PCED1B: variants seen among roughly 807,000 people sequenced by gnomAD.
PCED1B encodes the protein PC-esterase domain-containing protein 1B.
For synonymous variants in PCED1B, 251 were observed against 246.1 expected, an observed-to-expected ratio of 1.02 and a Z score of -0.19; for missense variants, 573 against 573.9, an observed-to-expected ratio of 1.00 and a Z score of 0.02.
intron 2 of PCED1B, chr12:47,135,491 G>C: frequency 2.2e-6 from 1 of 456,834 alleles, no homozygotes; most frequent in South Asian, 1.8e-5. Flanking sequence ...CTGTTCTATC[G>C]AGAGACTTGG....
chr12:47,214,511 G>C (rs1191455951), intron 2 of PCED1B, among the ~76,000 whole-genome samples: 1 of 151,858 alleles, frequency 6.6e-6, no homozygotes, highest in African/African-American at 2.4e-5. Context: ...ATTAACAGGA[G>C]AAAAAAACAT....
chr12:47,081,724 T>C (rs1267328863), intron 1 of PCED1B, among the ~76,000 whole-genome samples: 3 of 152,192 alleles, frequency 2.0e-5, no homozygotes, highest in African/African-American at 7.2e-5. Flanking sequence ...CAGAGGAATA[T>C]TTTTTAAATG....
intron 3 of PCED1B, among the ~76,000 whole-genome samples, chr12:47,230,745 A>G (rs1943781994): frequency 6.6e-6 from 1 of 152,198 alleles, no homozygotes; most frequent in Admixed American, 6.5e-5. Flanking sequence ...CCTGGCCAAC[A>G]TACCATTAAT....
intron 2 of PCED1B, among the ~76,000 whole-genome samples, chr12:47,147,088 C>T (rs919456966): frequency 7.0e-6 from 1 of 143,796 alleles, no homozygotes; most frequent in Non-Finnish European, 1.5e-5. Context: ...GCAATTTCCA[C>T]CTCCTGGGCT....
At chr12:47,195,949 T>C (rs1289937660) in intron 2 of PCED1B, among the ~76,000 whole-genome samples, 1 of 152,216 alleles carries the variant, frequency 6.6e-6, no homozygotes, top group East Asian at 1.9e-4. Context: ...AAAAACTGCT[T>C]AGTTTTCTGG....
chr12:47,200,061 A>G (rs1458099154), intron 2 of PCED1B, among the ~76,000 whole-genome samples: 1 of 152,152 alleles, frequency 6.6e-6, no homozygotes, highest in Non-Finnish European at 1.5e-5. Context: ...TTAGCCAGGT[A>G]TGGTGGCACA....
At chr12:47,149,615 T>C (rs1268994972) in intron 2 of PCED1B, among the ~76,000 whole-genome samples, 2 of 152,212 alleles carry the variant, frequency 1.3e-5, no homozygotes, top group South Asian at 2.1e-4. Context: ...ATCACAATCA[T>C]TTTATGGCAA....
intron 2 of PCED1B, among the ~76,000 whole-genome samples, chr12:47,207,132 G>T (rs770277821): frequency 2.0e-5 from 3 of 152,188 alleles, no homozygotes; most frequent in Admixed American, 6.5e-5. Context: ...AGGGCCTTGA[G>T]GGAATATCCT....
At chr12:47,113,402 G>A (rs1233899928) in intron 2 of PCED1B, among the ~76,000 whole-genome samples, 1 of 152,144 alleles carries the variant, frequency 6.6e-6, no homozygotes, top group Non-Finnish European at 1.5e-5. Flanking sequence ...ACCATGACAT[G>A]ATGAGGCATT....
At chr12:47,196,168 A>G (rs1249417908) in intron 2 of PCED1B, among the ~76,000 whole-genome samples, 2 of 152,240 alleles carry the variant, frequency 1.3e-5, no homozygotes, top group Non-Finnish European at 2.9e-5. Context: ...CTTTTTAAAA[A>G]TATGTAACCA....
At chr12:47,171,819 CTCTTCT>C (rs757671090) in intron 2 of PCED1B, among the ~76,000 whole-genome samples, 5 of 149,856 alleles carry the variant, frequency 3.3e-5, no homozygotes, top group African/African-American at 9.8e-5. Context: ...TTTTTTCTTC[CTCTTCT>C]TCTTCTTCTT....
At chr12:47,159,275 G>A (rs1941294095) in intron 2 of PCED1B, among the ~76,000 whole-genome samples, 1 of 152,126 alleles carries the variant, frequency 6.6e-6, no homozygotes. Context: ...GGGACTGCTG[G>A]ATTGTATGGT....
intron 2 of PCED1B, among the ~76,000 whole-genome samples, chr12:47,108,339 G>T (rs978431153): frequency 1.3e-5 from 2 of 152,116 alleles, no homozygotes; most frequent in Non-Finnish European, 2.9e-5. Context: ...AAACATACTG[G>T]CTCAGCTATC....
intron 2 of PCED1B, among the ~76,000 whole-genome samples, chr12:47,153,059 A>G (rs570467942): frequency 2.5e-4 from 38 of 152,188 alleles, no homozygotes; most frequent in Non-Finnish European, 4.7e-4. Context: ...CTTAGAATAT[A>G]GAAATTCAGG....
At chr12:47,192,333 G>T (rs1172646077) in intron 2 of PCED1B, among the ~76,000 whole-genome samples, 1 of 152,064 alleles carries the variant, frequency 6.6e-6, no homozygotes, top group Non-Finnish European at 1.5e-5. Context: ...GAGTTTAGAA[G>T]GCTGAAATAA....
At chr12:47,152,508 T>G (rs1423858861) in intron 2 of PCED1B, among the ~76,000 whole-genome samples, 1 of 152,274 alleles carries the variant, frequency 6.6e-6, no homozygotes, top group Admixed American at 6.5e-5. Flanking sequence ...TAGAGGAGAA[T>G]TAGGAGACAT....
chr12:47,088,602 A>C (rs775418836), intron 1 of PCED1B, among the ~76,000 whole-genome samples: 72 of 152,202 alleles, frequency 4.7e-4, no homozygotes, highest in Non-Finnish European at 8.8e-4. Flanking sequence ...AAATAATAAT[A>C]ATCACTTTCT....
At chr12:47,100,256 T>C (rs945657039) in intron 1 of PCED1B, among the ~76,000 whole-genome samples, 2 of 152,166 alleles carry the variant, frequency 1.3e-5, no homozygotes, top group Non-Finnish European at 2.9e-5. Context: ...GAAAATGATG[T>C]TTTTGGCATG....
At position 47,151,415 on chromosome 12, in the gene PCED1B, G is replaced by A. The variant is rs142626636; in HGVS notation, c.-526+47220G>A. On this transcript the variant is annotated intron_variant, in intron 2 of 3. Coordinates refer to ENST00000546455, the MANE Select transcript of PCED1B (RefSeq NM_138371.3). ...GCCTAGGTGTGTGGTAGGCTATAAC[G>A]TCTAGATTGTGTATGTGCAGTCTAC... Among the ~76,000 whole-genome samples the A allele has an allele frequency of 5.5e-4, 84 of 152,252 alleles. 1 individual carries two copies. Among genetic ancestry groups the A allele is most frequent in the African/African-American group, 2.0e-3 (82 of 41,548 alleles).
Sources: allele counts gnomAD v4.1 joint callset (sites outside exome capture counted in the v4.1 genomes callset), GRCh38; gene constraint gnomAD v4.1.1; transcripts MANE v1.5; gene names NCBI Gene and HGNC (gene_info 2026-07-23, HGNC 2026-07-21).